CCNB1IP1: variants seen among roughly 807,000 people sequenced by gnomAD.
CCNB1IP1 encodes E3 ubiquitin-protein ligase CCNB1IP1.
Under a neutral mutation model 25.6 loss-of-function variants are expected in CCNB1IP1, and 14 were observed. That is an observed-to-expected ratio of 0.55 (90% CI 0.36 to 0.85). CCNB1IP1 has a LOEUF of 0.85. CCNB1IP1 is among the 40% of genes least tolerant of loss of function. The pLI is 0.01. For missense variants in CCNB1IP1, 278 were observed against 342.4 expected (o/e 0.81, Z 1.48); for synonymous variants, 119 against 116.1 (o/e 1.02, Z -0.16).
chr14:20,313,845 G>A (rs922514923), intron 5 of CCNB1IP1, 44 bp from the exon 6 acceptor site: 1 of 1,352,704 alleles, frequency 7.4e-7, no homozygotes, highest in Non-Finnish European at 1.0e-6. Context: ...TGGGTACAAA[G>A]TTATATATTG....
intron 4 of CCNB1IP1, among the ~76,000 whole-genome samples, chr14:20,320,066 T>A (rs1490861709): frequency 6.6e-6 from 1 of 152,266 alleles, no homozygotes; most frequent in East Asian, 1.9e-4. Flanking sequence ...TGCCTGTTCA[T>A]GTCCTTTGAT....
intron 3 of CCNB1IP1, 177 bp downstream of exon 3, chr14:20,326,539 G>A (rs775207933): frequency 3.7e-6 from 2 of 534,460 alleles, no homozygotes; most frequent in Non-Finnish European, 3.8e-6. Flanking sequence ...AAATGACTGA[G>A]GAAGGGCAAA....
chr14:20,328,624 T>G (rs1344592887), intron 2 of CCNB1IP1, among the ~76,000 whole-genome samples: 2 of 152,166 alleles, frequency 1.3e-5, no homozygotes, highest in African/African-American at 4.8e-5. Flanking sequence ...GATCTAAGTA[T>G]TCTTACAGGA....
intron 4 of CCNB1IP1, among the ~76,000 whole-genome samples, chr14:20,321,753 A>G (rs776168547): frequency 1.3e-5 from 2 of 152,168 alleles, no homozygotes. Flanking sequence ...TCTTAATTTA[A>G]AGAATACGTT....
chr14:20,321,071 G>A (rs943544404), intron 4 of CCNB1IP1, among the ~76,000 whole-genome samples: 1 of 150,144 alleles, frequency 6.7e-6, no homozygotes, highest in African/African-American at 2.5e-5. Context: ...CTGGAAGGCG[G>A]GTTTGCAGTG....
At chr14:20,315,609 A>G (rs2138845608) in intron 5 of CCNB1IP1, 1 of 1,287,136 alleles carries the variant, frequency 7.8e-7, no homozygotes, top group Non-Finnish European at 1.0e-6. Flanking sequence ...GAGGTCTTTC[A>G]AAGGAAATAC....
intron 4 of CCNB1IP1, among the ~76,000 whole-genome samples, 192 bp from the exon 5 acceptor site, chr14:20,316,752 A>C (rs146872738): frequency 1.3e-5 from 2 of 152,340 alleles, no homozygotes; most frequent in African/African-American, 4.8e-5. Context: ...CGGTTTTCTA[A>C]AAACGCTTTA....
intron 4 of CCNB1IP1, among the ~76,000 whole-genome samples, chr14:20,324,829 C>T (rs1195324487): frequency 6.6e-6 from 1 of 151,832 alleles, no homozygotes; most frequent in Non-Finnish European, 1.5e-5. Context: ...CTTTAATTGA[C>T]TCTTTTTTTT....
chr14:20,328,076 A>T (rs530910080), intron 2 of CCNB1IP1, among the ~76,000 whole-genome samples: 2 of 152,330 alleles, frequency 1.3e-5, no homozygotes, highest in South Asian at 4.1e-4. Context: ...ACAGAAAAGA[A>T]AGCAGTGGCT....
chr14:20,330,223 C>T (rs554731160), intron 1 of CCNB1IP1, among the ~76,000 whole-genome samples: 3 of 152,110 alleles, frequency 2.0e-5, no homozygotes, highest in South Asian at 4.2e-4. Flanking sequence ...TGCATGTTCT[C>T]ACTTATAAGT....
intron 5 of CCNB1IP1, chr14:20,315,480 C>T: frequency 8.9e-7 from 1 of 1,122,902 alleles, no homozygotes; most frequent in Middle Eastern, 3.1e-4. Flanking sequence ...AGAGAAACAA[C>T]TTACCCAGAA....
At chr14:20,328,978 T>C (rs1594284806) in intron 2 of CCNB1IP1, among the ~76,000 whole-genome samples, 196 bp downstream of exon 2, 1 of 152,346 alleles carries the variant, frequency 6.6e-6, no homozygotes, top group East Asian at 1.9e-4. Context: ...GTACATTTTA[T>C]ATGTGTGAAC....
intron 1 of CCNB1IP1, 119 bp downstream of exon 1, chr14:20,333,135 C>T (rs535969389): frequency 4.6e-5 from 7 of 152,370 alleles, no homozygotes; most frequent in Admixed American, 4.6e-4. Flanking sequence ...AAATTAATCT[C>T]CTTGCGACTC....
intron 4 of CCNB1IP1, among the ~76,000 whole-genome samples, chr14:20,324,272 T>C (rs1882994226): frequency 6.6e-6 from 1 of 152,166 alleles, no homozygotes; most frequent in Non-Finnish European, 1.5e-5. Flanking sequence ...CCACAACCTC[T>C]GCCTCCCAGA....
chr14:20,325,246 C>T (rs902637965), intron 4 of CCNB1IP1, among the ~76,000 whole-genome samples: 2 of 150,744 alleles, frequency 1.3e-5, no homozygotes, highest in African/African-American at 2.4e-5. Context: ...ACGGTGAAAC[C>T]CCGTCTCTAC....
At position 20,313,628 on chromosome 14, in the gene CCNB1IP1, G is replaced by A; in HGVS notation, c.471C>T (p.Phe157=). Residue 157 remains phenylalanine (F), a synonymous_variant, in exon 6 of 7, where the codon TTC becomes TTT. Coordinates refer to ENST00000358932, the MANE Select transcript of CCNB1IP1 (RefSeq NM_021178.5). ...KKVLEEYKKK[F]SDISEKLMER... Reference sequence around the variant, plus strand: ...CCATAAGTTTCTCAGAGATGTCACTGAACTTTTTCTTGTATTCTTCTAGTA... The same window carrying A: ...CCATAAGTTTCTCAGAGATGTCACTAAACTTTTTCTTGTATTCTTCTAGTA... 1 of 1,614,122 alleles carries A rather than the reference G, an allele frequency of 6.2e-7. No individual in the cohort carries two copies. The highest frequency in any genetic ancestry group is 8.5e-7 in the Non-Finnish European group (1 of 1,180,014).
Position 20,330,104 on chromosome 14 carries a change from T to TAAAA in CCNB1IP1, c.-430-735_-430-732dup, listed in dbSNP as rs772221716. Among the ~76,000 whole-genome samples, 113 of 98,452 alleles carry TAAAA rather than the reference T, an allele frequency of 1.1e-3. 2 individuals are homozygous for TAAAA. The highest frequency in any genetic ancestry group is 3.5e-3 in the South Asian group (10 of 2,846). The allele number at this position is 98,452 out of a possible 152,430, so 64.6% of individuals were successfully genotyped here. A position where few individuals can be genotyped will look rare whatever the true frequency, so the allele number is the denominator to read the frequency against. ...AAAATTTCACACTTTTCCACAGCCATAAAAAAAAAAAAAACAAAAAACATG... is the reference window on the plus strand; with the variant it reads ...AAAATTTCACACTTTTCCACAGCCATAAAAAAAAAAAAAAAAAACAAAAAACATG... On this transcript the variant is annotated intron_variant, in intron 1 of 6. Transcript: ENST00000358932.
chr14:20,316,485 T>G lies in CCNB1IP1; in HGVS notation c.39A>C (p.Arg13=). The change falls in exon 5 of 7, where the codon CGA becomes CGC. Residue 13 remains arginine (R), a synonymous_variant. Coordinates refer to ENST00000358932, the MANE Select transcript of CCNB1IP1 (RefSeq NM_021178.5). ...AGCCAGAGAGTTTGATGCGACACTT[T>G]CGATAATTACAAAGCAGCATGTCTT... ...LCEDMLLCNY[R]KCRIKLSGYA... The G allele has an allele frequency of 1.2e-6, 2 of 1,611,742 alleles. No individual in the cohort carries two copies. The highest frequency in any genetic ancestry group is 1.3e-5 in the African/African-American group (1 of 75,030).
At chr14:20,320,313 G>C (rs1205767992) in intron 4 of CCNB1IP1, 3 of 455,994 alleles carry the variant, frequency 6.6e-6, no homozygotes, top group Non-Finnish European at 1.3e-5. Flanking sequence ...GGCCAGGCCA[G>C]AGTGACCACG....
Sources: allele counts gnomAD v4.1 joint callset (sites outside exome capture counted in the v4.1 genomes callset), GRCh38; gene constraint gnomAD v4.1.1; transcripts MANE v1.5; gene names NCBI Gene and HGNC (gene_info 2026-07-23, HGNC 2026-07-21).